PVT1: variants seen among roughly 807,000 people sequenced by gnomAD.
PVT1 encodes Pvt1 oncogene.
intron 4 of PVT1, among the ~76,000 whole-genome samples, chr8:127,994,071 C>T (rs1237278317): frequency 6.6e-6 from 1 of 152,128 alleles, no homozygotes; most frequent in Non-Finnish European, 1.5e-5. Flanking sequence ...TTAAACCTGC[C>T]CTGTGCCTGC....
At chr8:127,843,193 T>C (rs151021139) in intron 2 of PVT1, among the ~76,000 whole-genome samples, 1 of 151,992 alleles carries the variant, frequency 6.6e-6, no homozygotes, top group African/African-American at 2.4e-5. Context: ...CCATTTCTAC[T>C]AAAAATACAA....
chr8:127,928,461 T>C (rs1239309366), intron 3 of PVT1, among the ~76,000 whole-genome samples: 3 of 152,206 alleles, frequency 2.0e-5, no homozygotes, highest in African/African-American at 7.2e-5. Flanking sequence ...TGAATTGTCT[T>C]CTTTATCATC....
At chr8:128,071,045 C>T (rs190324422) in intron 5 of PVT1, among the ~76,000 whole-genome samples, 6 of 152,246 alleles carry the variant, frequency 3.9e-5, no homozygotes, top group South Asian at 2.1e-4. Flanking sequence ...ATGTCAGAAG[C>T]GGCGAGTCAC....
intron 4 of PVT1, among the ~76,000 whole-genome samples, chr8:128,041,807 G>C (rs986348014): frequency 6.6e-6 from 1 of 152,140 alleles, no homozygotes; most frequent in African/African-American, 2.4e-5. Context: ...AAAACAGTTT[G>C]GATGTCATCA....
chr8:128,008,026 T>C (rs1310865567), intron 4 of PVT1, among the ~76,000 whole-genome samples: 1 of 152,208 alleles, frequency 6.6e-6, no homozygotes, highest in Non-Finnish European at 1.5e-5. Context: ...TAGGGAGAAA[T>C]TTATTACTAA....
At chr8:128,032,032 C>T (rs1813397437) in intron 4 of PVT1, among the ~76,000 whole-genome samples, 1 of 152,220 alleles carries the variant, frequency 6.6e-6, no homozygotes, top group Admixed American at 6.5e-5. Context: ...GACATCCCTT[C>T]ATTTCATGTA....
intron 4 of PVT1, among the ~76,000 whole-genome samples, chr8:128,060,100 CA>C (rs549481406): frequency 6.6e-6 from 1 of 152,036 alleles, no homozygotes; most frequent in South Asian, 2.1e-4. Context: ...ACTAAAAATA[CA>C]AAAAATTAGC....
At chr8:127,917,612 G>A (rs944239843) in intron 3 of PVT1, among the ~76,000 whole-genome samples, 4 of 152,220 alleles carry the variant, frequency 2.6e-5, no homozygotes, top group Admixed American at 1.3e-4. Context: ...AAATAGAGGG[G>A]CCGGTCAGCC....
intron 4 of PVT1, among the ~76,000 whole-genome samples, chr8:128,028,544 G>C (rs181093455): frequency 5.9e-4 from 90 of 152,362 alleles, no homozygotes; most frequent in Admixed American, 5.8e-3. Context: ...AGGAGCACTG[G>C]CTTTGGCTTC....
At chr8:128,000,593 G>T (rs1216020617) in intron 4 of PVT1, among the ~76,000 whole-genome samples, 1 of 152,242 alleles carries the variant, frequency 6.6e-6, no homozygotes, top group Non-Finnish European at 1.5e-5. Flanking sequence ...AGACCTGGTT[G>T]TTCAAAGGAA....
At chr8:127,885,368 T>C (rs1050364587) in intron 2 of PVT1, among the ~76,000 whole-genome samples, 8 of 152,320 alleles carry the variant, frequency 5.3e-5, no homozygotes, top group South Asian at 2.1e-4. Context: ...CAAACCACCT[T>C]AGACTGGTAG....
At chr8:127,830,845 A>T (rs1814840610) in intron 2 of PVT1, among the ~76,000 whole-genome samples, 2 of 152,018 alleles carry the variant, frequency 1.3e-5, no homozygotes, top group Admixed American at 1.3e-4. Context: ...AAAACATGAA[A>T]ATGCAAGACT....
At chr8:127,831,658 G>A (rs181866830) in intron 2 of PVT1, among the ~76,000 whole-genome samples, 1 of 152,172 alleles carries the variant, frequency 6.6e-6, no homozygotes, top group African/African-American at 2.4e-5. Context: ...AGGAGCCACT[G>A]GTGAGGCAGA....
chr8:127,871,557 TAAA>T (rs1815351889), intron 2 of PVT1, among the ~76,000 whole-genome samples: 1 of 151,998 alleles, frequency 6.6e-6, no homozygotes, highest in Non-Finnish European at 1.5e-5. Context: ...CAGAATCGGG[TAAA>T]GTATGTGACT....
At chr8:127,897,875 GA>G (rs1410647200) in intron 3 of PVT1, among the ~76,000 whole-genome samples, 3 of 10,604 alleles carry the variant, frequency 2.8e-4, no homozygotes, top group African/African-American at 1.4e-3. Flanking sequence ...AGAAAGGAAA[GA>G]AAGAAAGAAA....
chr8:127,923,177 T>A (rs10808561), intron 3 of PVT1, among the ~76,000 whole-genome samples: 73,060 of 152,086 alleles, frequency 0.48, 17,904 homozygotes, highest in East Asian at 0.73. Context: ...AGGTTTAGAG[T>A]TAGGACTCCG....
chr8:127,849,101 C>T (rs558298319), intron 2 of PVT1, among the ~76,000 whole-genome samples: 2 of 152,206 alleles, frequency 1.3e-5, no homozygotes, highest in Admixed American at 6.5e-5. Flanking sequence ...CTTATGGTGC[C>T]CTGGCTCAGT....
intron 4 of PVT1, among the ~76,000 whole-genome samples, chr8:128,044,184 T>A (rs956661996): frequency 6.7e-5 from 10 of 149,840 alleles, no homozygotes; most frequent in African/African-American, 2.5e-4. Context: ...TCTTGGCCAC[T>A]CTATGCAGAC....
intron 4 of PVT1, among the ~76,000 whole-genome samples, chr8:128,000,600 G>A (rs1817164625): frequency 6.6e-6 from 1 of 152,254 alleles, no homozygotes; most frequent in Admixed American, 6.5e-5. Flanking sequence ...GTTGTTCAAA[G>A]GAAAACTGGC....
Sources: gnomAD v4.1 joint callset for allele counts (sites outside exome capture counted in the v4.1 genomes callset) on GRCh38, gnomAD v4.1.1 for gene constraint, MANE v1.5 for transcripts, NCBI Gene and HGNC (gene_info 2026-07-23, HGNC 2026-07-21) for gene names.